NEBL: variants seen among roughly 807,000 people sequenced by gnomAD.
The protein encoded by NEBL is LIM and SH3 protein 2.
A neutral mutation model predicts 140.2 loss-of-function variants in NEBL; 122 were observed. The observed-to-expected ratio is 0.87, with a 90% CI of 0.75 to 1.01. The LOEUF is 1.01. NEBL is among the 50% of genes least tolerant of loss of function. The pLI, the probability that NEBL is intolerant of heterozygous loss-of-function variation, is 0.00. For missense variants in NEBL, 1,365 were observed against 1,231.3 expected (o/e 1.11, Z -1.62); for synonymous variants, 436 against 398.9 (o/e 1.09, Z -1.11).
intron 3 of NEBL, among the ~76,000 whole-genome samples, chr10:21,013,879 A>G (rs905511417): frequency 2.6e-5 from 4 of 152,116 alleles, no homozygotes; most frequent in African/African-American, 4.8e-5. Flanking sequence ...TCCATCTAAA[A>G]CAAAAAGAAC....
chr10:21,265,131 C>G (rs1312294971), intron 1 of NEBL, among the ~76,000 whole-genome samples: 1 of 151,888 alleles, frequency 6.6e-6, no homozygotes, highest in Non-Finnish European at 1.5e-5. Context: ...CCATGTTGGC[C>G]AGGCTGGTCT....
At chr10:20,932,260 T>G (rs575525914) in intron 4 of NEBL, among the ~76,000 whole-genome samples, 1 of 152,314 alleles carries the variant, frequency 6.6e-6, no homozygotes, top group East Asian at 1.9e-4. Flanking sequence ...TGAGTTCATG[T>G]CCTTTGCAGG....
At chr10:21,039,064 T>G (rs902948306) in intron 2 of NEBL, among the ~76,000 whole-genome samples, 1 of 25,954 alleles carries the variant, frequency 3.9e-5, no homozygotes, top group African/African-American at 1.1e-4. Flanking sequence ...GGGGCTGTTT[T>G]TTTTTTTTTT....
chr10:21,175,765 A>G (rs890319301), upstream of NEBL, among the ~76,000 whole-genome samples: 2 of 152,236 alleles, frequency 1.3e-5, no homozygotes, highest in Non-Finnish European at 2.9e-5. Flanking sequence ...AATATTTCAG[A>G]GCTCATTAGA....
chr10:21,080,378 T>C (rs942571628), intron 2 of NEBL, among the ~76,000 whole-genome samples: 1 of 152,244 alleles, frequency 6.6e-6, no homozygotes, highest in Non-Finnish European at 1.5e-5. Context: ...TAAATATTCA[T>C]ACTTTGAGGG....
chr10:20,903,587 T>C (rs1043784593), intron 4 of NEBL, among the ~76,000 whole-genome samples: 1 of 152,172 alleles, frequency 6.6e-6, no homozygotes, highest in African/African-American at 2.4e-5. Context: ...CACAGCACAA[T>C]TCGCAATGGC....
chr10:21,192,855 A>C (rs1841595162), intron 3 of NEBL, among the ~76,000 whole-genome samples: 1 of 151,782 alleles, frequency 6.6e-6, no homozygotes, highest in African/African-American at 2.4e-5. Context: ...AAGAGGACAC[A>C]ATTTCTGACT....
chr10:21,195,061 G>T (rs537204449), intron 3 of NEBL, among the ~76,000 whole-genome samples: 222 of 152,174 alleles, frequency 1.5e-3, no homozygotes, highest in Admixed American at 5.1e-3. Flanking sequence ...TCATTGAAAC[G>T]ACTCCCACTT....
intron 3 of NEBL, among the ~76,000 whole-genome samples, chr10:21,194,142 T>C (rs1841615305): frequency 6.7e-6 from 1 of 149,400 alleles, no homozygotes; most frequent in South Asian, 2.1e-4. Flanking sequence ...GCCTGGCTAA[T>C]TTTTTTTTTA....
chr10:21,061,370 T>TACA (rs1835291605), intron 2 of NEBL, among the ~76,000 whole-genome samples: 1 of 131,300 alleles, frequency 7.6e-6, no homozygotes, highest in Non-Finnish European at 1.6e-5. Context: ...TGGGTCAGAT[T>TACA]TATGTTTTAT....
intron 3 of NEBL, among the ~76,000 whole-genome samples, chr10:21,221,843 G>C (rs777513886): frequency 1.2e-4 from 18 of 151,936 alleles, no homozygotes; most frequent in Non-Finnish European, 2.4e-4. Flanking sequence ...GGGAAATTAA[G>C]AAAGTCCTGG....
chr10:21,033,513 T>C (rs1833880273), intron 2 of NEBL, among the ~76,000 whole-genome samples: 2 of 152,138 alleles, frequency 1.3e-5, no homozygotes, highest in Non-Finnish European at 2.9e-5. Flanking sequence ...CTTAAATCTC[T>C]GTCACTCTCA....
intron 3 of NEBL, among the ~76,000 whole-genome samples, chr10:21,206,612 GAA>G (rs1432147433): frequency 6.6e-6 from 1 of 152,168 alleles, no homozygotes; most frequent in Admixed American, 6.5e-5. Flanking sequence ...TTGCAGCAGA[GAA>G]AAAGTTTTGT....
intron 1 of NEBL, among the ~76,000 whole-genome samples, chr10:21,274,609 A>G (rs1273571886): frequency 2.6e-5 from 4 of 151,972 alleles, no homozygotes; most frequent in Non-Finnish European, 5.9e-5. Flanking sequence ...CATTTTTAGT[A>G]GAGACAGGGT....
chr10:21,275,162 C>T (rs1341582551), intron 1 of NEBL, among the ~76,000 whole-genome samples: 1 of 152,172 alleles, frequency 6.6e-6, no homozygotes, highest in African/African-American at 2.4e-5. Context: ...TTTATCGCGG[C>T]CTCATGAGCG....
chr10:20,875,983 A>G (rs1168033061), intron 5 of NEBL, among the ~76,000 whole-genome samples: 1 of 152,200 alleles, frequency 6.6e-6, no homozygotes, highest in African/African-American at 2.4e-5. Flanking sequence ...CTCTCACATT[A>G]GAGAAGCCCT....
chr10:20,790,111 G>A (rs1434597504), intron 26 of NEBL, among the ~76,000 whole-genome samples: 6 of 152,036 alleles, frequency 3.9e-5, no homozygotes, highest in Admixed American at 2.6e-4. Flanking sequence ...AGACAGCAGG[G>A]AAGGGAGTTT....
chr10:21,063,360 A>C (rs927196342), intron 2 of NEBL, among the ~76,000 whole-genome samples: 5 of 152,180 alleles, frequency 3.3e-5, no homozygotes, highest in Admixed American at 6.5e-5. Flanking sequence ...TTAATGCTCT[A>C]AGTTCCCAAT....
chr10:20,963,182 T>C (rs1398447169), intron 3 of NEBL, among the ~76,000 whole-genome samples: 2 of 152,228 alleles, frequency 1.3e-5, no homozygotes, highest in South Asian at 2.1e-4. Context: ...AATATTTTTC[T>C]TCCACATAAA....
Sources: allele counts gnomAD v4.1 joint callset (sites outside exome capture counted in the v4.1 genomes callset), GRCh38; gene constraint gnomAD v4.1.1; transcripts MANE v1.5; gene names NCBI Gene and HGNC (gene_info 2026-07-23, HGNC 2026-07-21).